PAX9: variants seen among roughly 807,000 people sequenced by gnomAD.
The protein encoded by PAX9 is paired box 9, also known as paired box protein Pax-9.
Under a neutral mutation model 29.1 loss-of-function variants are expected in PAX9, and 6 were observed. The observed-to-expected ratio is 0.21, with a 90% CI of 0.11 to 0.41. The LOEUF is 0.41. PAX9 is among the 10% of genes least tolerant of loss of function. The pLI is 1.00. For missense variants in PAX9, 443 were observed against 479.1 expected, an observed-to-expected ratio of 0.92 and a Z score of 0.70; for synonymous variants, 217 against 211.7, an observed-to-expected ratio of 1.03 and a Z score of -0.22.
Position 36,677,546 on chromosome 14 carries a change from G to A in PAX9, c.*1094G>A, listed in dbSNP as rs961685288. On this transcript the variant is annotated 3_prime_UTR_variant, in exon 4 of 4. Transcript: ENST00000361487. ...TGAACTTTGTGTTAAGAAAACCACT[G>A]TGAAACTAAATTGTCCTATTATTGT... 1 of 152,158 alleles carries A rather than the reference G, an allele frequency of 6.6e-6. No individual in the cohort carries two copies. Among genetic ancestry groups the A allele is most frequent in the Non-Finnish European group, 1.5e-5 (1 of 68,032 alleles). 9.4% of individuals were successfully genotyped at this position (152,158 alleles called of 1,614,324 possible). A position where few individuals can be genotyped will look rare whatever the true frequency, so the allele number is the denominator to read the frequency against.
chr14:36,661,815 G>A, upstream of PAX9: 1 of 548,994 alleles, frequency 1.8e-6, no homozygotes, highest in Non-Finnish European at 3.2e-6. Flanking sequence ...CCCCTTTTAG[G>A]GCGTGTCCCC....
chr14:36,672,369 G>A (rs1038266061), intron 3 of PAX9, among the ~76,000 whole-genome samples: 1 of 152,112 alleles, frequency 6.6e-6, no homozygotes, highest in Non-Finnish European at 1.5e-5. Flanking sequence ...GATTTGGGAC[G>A]TTTAAGTCAT....
At chr14:36,674,887 G>C (rs978472052) in intron 3 of PAX9, among the ~76,000 whole-genome samples, 2 of 152,110 alleles carry the variant, frequency 1.3e-5, no homozygotes, top group Non-Finnish European at 2.9e-5. Flanking sequence ...ACCCACGTAT[G>C]TATTCTATTC....
At position 36,677,319 on chromosome 14, in the gene PAX9, C is replaced by T. The variant is rs981858823; in HGVS notation, c.*867C>T. 8 of 152,164 alleles carry T rather than the reference C, an allele frequency of 5.3e-5. No homozygotes were observed. The highest frequency in any genetic ancestry group is 1.9e-4 in the African/African-American group (8 of 41,424). The allele number at this position is 152,164 out of a possible 1,614,324, so 9.4% of individuals were successfully genotyped here. ...GTATGCAGTGAAGGCTTCAACATCT[C>T]ATGAAGGACACTTTATTTCTACAGC... is the stretch of plus-strand genomic sequence containing the variant. On this transcript the variant is annotated 3_prime_UTR_variant, in exon 4 of 4. Transcript: ENST00000361487.
Position 36,678,655 on chromosome 14 carries a change from T to TA in PAX9, c.*2209dup, listed in dbSNP as rs33991803. 2 of 1,257,440 alleles carry TA rather than the reference T, an allele frequency of 1.6e-6. No homozygotes were observed. Among genetic ancestry groups the TA allele is most frequent in the Non-Finnish European group, 2.0e-6 (2 of 1,001,156 alleles). 77.9% of individuals were successfully genotyped at this position (1,257,440 alleles called of 1,614,324 possible). On this transcript the variant is annotated 3_prime_UTR_variant, in exon 4 of 4. Coordinates refer to ENST00000361487, the MANE Select transcript of PAX9 (RefSeq NM_001372076.1). ...TTTTTAGGTGGCTGTTAGGGGGCTTTAAAAAATATTACTTGCTTGTGTGGA... is the reference window on the plus strand; with the variant it reads ...TTTTTAGGTGGCTGTTAGGGGGCTTTAAAAAAATATTACTTGCTTGTGTGGA...
At chr14:36,658,373 TG>T (rs36065207), upstream of PAX9, among the ~76,000 whole-genome samples, 2,282 of 128,026 alleles carry the variant, frequency 0.018, 18 homozygotes, top group East Asian at 0.026. Context: ...GGGCCTCGCT[TG>T]GGGGGGGGGG....
chr14:36,665,547 T>C (rs909909180), intron 2 of PAX9, among the ~76,000 whole-genome samples: 1 of 152,170 alleles, frequency 6.6e-6, no homozygotes, highest in African/African-American at 2.4e-5. Context: ...AAAATGCCAA[T>C]AATTCAATAT....
intron 3 of PAX9, among the ~76,000 whole-genome samples, chr14:36,667,760 G>A (rs920743354): frequency 1.2e-4 from 18 of 152,112 alleles, no homozygotes; most frequent in Non-Finnish European, 2.2e-4. Context: ...ACAGAAAATA[G>A]CAAGGAAAGA....
upstream of PAX9, among the ~76,000 whole-genome samples, chr14:36,659,139 G>T (rs1319281516): frequency 6.6e-6 from 1 of 152,172 alleles, no homozygotes; most frequent in East Asian, 1.9e-4. Context: ...TTTTGGTTTT[G>T]GTCTTAAATT....
chr14:36,670,048 G>A (rs1210282459), intron 3 of PAX9, among the ~76,000 whole-genome samples: 1 of 151,866 alleles, frequency 6.6e-6, no homozygotes, highest in Non-Finnish European at 1.5e-5. Context: ...AGAATCATAG[G>A]GACTGGAATA....
intron 2 of PAX9, 67 bp from the exon 3 acceptor site, chr14:36,666,395 G>A: frequency 7.0e-6 from 11 of 1,569,310 alleles, no homozygotes; most frequent in Non-Finnish European, 9.5e-6. Context: ...GCGGGTTTGG[G>A]TCCCGTCTCA....
At chr14:36,660,607 C>T (rs1021438586), upstream of PAX9, among the ~76,000 whole-genome samples, 1 of 152,042 alleles carries the variant, frequency 6.6e-6, no homozygotes, top group Non-Finnish European at 1.5e-5. Context: ...TGGGTGTAGA[C>T]CGCAGCCACA....
At chr14:36,671,185 A>T (rs1020883916) in intron 3 of PAX9, 1 of 306,414 alleles carries the variant, frequency 3.3e-6, no homozygotes, top group Non-Finnish European at 6.5e-6. Context: ...TGAACTGATA[A>T]GTGAAAGCAG....
chr14:36,661,795 C>G (rs1276920772), upstream of PAX9: 1 of 519,652 alleles, frequency 1.9e-6, no homozygotes, highest in Non-Finnish European at 3.4e-6. Flanking sequence ...GCAGCTTGCC[C>G]TCGGACCCGC....
At chr14:36,659,036 G>A (rs1347726710), upstream of PAX9, among the ~76,000 whole-genome samples, 1 of 152,256 alleles carries the variant, frequency 6.6e-6, no homozygotes, top group Non-Finnish European at 1.5e-5. Flanking sequence ...TTTATCCAGA[G>A]AGCGAGTCGC....
intron 3 of PAX9, among the ~76,000 whole-genome samples, chr14:36,669,174 G>A (rs576059785): frequency 9.9e-5 from 15 of 152,216 alleles, no homozygotes; most frequent in African/African-American, 3.4e-4. Flanking sequence ...AAGTTCAGCC[G>A]TGCCATTTTT....
intron 2 of PAX9, 99 bp from the exon 3 acceptor site, chr14:36,666,363 C>G (rs781261379): frequency 2.5e-5 from 37 of 1,491,824 alleles, no homozygotes; most frequent in Non-Finnish European, 3.1e-5. Flanking sequence ...GACCCAAGGT[C>G]TAAGCCCTCC....
At position 36,661,997 on chromosome 14, in the gene PAX9, C is replaced by A; in HGVS notation, c.-93C>A. 3 of 1,515,686 alleles carry A rather than the reference C, an allele frequency of 2.0e-6. No individual in the cohort carries two copies. Among genetic ancestry groups the A allele is most frequent in the Non-Finnish European group, 2.7e-6 (3 of 1,115,798 alleles). 93.9% of individuals were successfully genotyped at this position (1,515,686 alleles called of 1,614,324 possible). On this transcript the variant is annotated 5_prime_UTR_variant, in exon 1 of 4. Transcript: ENST00000361487. ...AGAAGCGGAGGCGCCGGCGGTCGGC[C>A]GGGATAGCAACAGGCCGGGCCACTG...
intron 3 of PAX9, among the ~76,000 whole-genome samples, chr14:36,673,926 T>G (rs1881788065): frequency 6.6e-6 from 1 of 152,246 alleles, no homozygotes; most frequent in Non-Finnish European, 1.5e-5. Flanking sequence ...ATCAGTAGTA[T>G]AAAACATTAG....
Sources: allele counts gnomAD v4.1 joint callset (sites outside exome capture counted in the v4.1 genomes callset), GRCh38; gene constraint gnomAD v4.1.1; transcripts MANE v1.5; gene names NCBI Gene and HGNC (gene_info 2026-07-23, HGNC 2026-07-21).